The following NOCT variants were observed in gnomAD, a reference collection of about 807,000 sequenced individuals.
The protein encoded by NOCT is nocturnin, also known as CCR4 carbon catabolite repression 4-like.
Under a neutral mutation model 35.0 loss-of-function variants are expected in NOCT, and 18 were observed. The ratio of observed to expected loss-of-function variants is 0.51; its 90% CI spans 0.36 to 0.76. The LOEUF (loss-of-function observed/expected upper bound fraction) is 0.76, where lower values mean the gene tolerates loss of function less well. Ranked by LOEUF, NOCT falls within the 30% of genes least tolerant of loss-of-function variation. The pLI is 0.01. For missense variants in NOCT, 479 were observed against 541.0 expected, an observed-to-expected ratio of 0.89 and a Z score of 1.14; for synonymous variants, 235 against 226.3, an observed-to-expected ratio of 1.04 and a Z score of -0.34.
chr4:139,032,073 A>G (rs1411214837), intron 1 of NOCT, among the ~76,000 whole-genome samples: 1 of 152,192 alleles, frequency 6.6e-6, no homozygotes, highest in Admixed American at 6.5e-5. Flanking sequence ...CATACTTGCT[A>G]CTGTGTTTCA....
At chr4:139,028,166 G>A (rs1442914451) in intron 1 of NOCT, 2 of 152,218 alleles carry the variant, frequency 1.3e-5, no homozygotes, top group African/African-American at 4.8e-5. Context: ...CCCAGCTTGT[G>A]GAAATGATTT....
At chr4:139,038,518 CA>C (rs1200974712) in intron 1 of NOCT, among the ~76,000 whole-genome samples, 2 of 152,130 alleles carry the variant, frequency 1.3e-5, no homozygotes, top group African/African-American at 4.8e-5. Flanking sequence ...AAATGCATCG[CA>C]AAAACTAGAT....
intron 1 of NOCT, among the ~76,000 whole-genome samples, chr4:139,019,647 T>C (rs867462241): frequency 6.5e-4 from 99 of 152,290 alleles, no homozygotes; most frequent in African/African-American, 1.9e-3. Context: ...CCCTTGGCAA[T>C]TGGTAGTTAT....
intron 1 of NOCT, among the ~76,000 whole-genome samples, chr4:139,041,323 C>G (rs1726829475): frequency 6.6e-6 from 1 of 152,082 alleles, no homozygotes; most frequent in Non-Finnish European, 1.5e-5. Context: ...ATAAGCCTGC[C>G]AAATTTTATA....
intron 1 of NOCT, among the ~76,000 whole-genome samples, chr4:139,035,765 C>T (rs957817333): frequency 2.0e-5 from 3 of 152,194 alleles, no homozygotes; most frequent in African/African-American, 7.2e-5. Flanking sequence ...AGGCCCTACC[C>T]GATCTGCTCC....
intron 1 of NOCT, among the ~76,000 whole-genome samples, chr4:139,023,100 CAAA>C (rs536523341): frequency 2.2e-5 from 3 of 134,750 alleles, no homozygotes; most frequent in Non-Finnish European, 4.8e-5. Flanking sequence ...GACTCCATCT[CAAA>C]AAAAAAAAAG....
At chr4:139,026,043 T>C (rs941528010) in intron 1 of NOCT, among the ~76,000 whole-genome samples, 10 of 152,206 alleles carry the variant, frequency 6.6e-5, no homozygotes, top group Admixed American at 3.3e-4. Flanking sequence ...GGTTTTATGA[T>C]ATATATACAA....
Position 139,045,299 on chromosome 4 carries a change from A to G in NOCT, c.1121A>G (p.His374Arg). The G allele has an allele frequency of 1.2e-6, 2 of 1,614,104 alleles. No individual in the cohort carries two copies. Among genetic ancestry groups the G allele is most frequent in the South Asian group, 2.2e-5 (2 of 91,072 alleles). The change falls in exon 3 of 3, where the codon CAC becomes CGC. Residue 374 changes from histidine (H) to arginine (R), a missense_variant. His to Arg is a conservative substitution (Grantham distance 29). Around this residue, in one of 2 missense-constraint regions of NOCT, gnomAD observed 214 missense variants for 284.0 expected, o/e 0.75. Coordinates refer to ENST00000280614, the MANE Select transcript of NOCT (RefSeq NM_012118.4). Reference sequence around the variant, plus strand: ...ATCCGGACCTCAGGGGAGTGCAGGCACACCCTGGATTACATCTGGTATTCT... The same window carrying G: ...ATCCGGACCTCAGGGGAGTGCAGGCGCACCCTGGATTACATCTGGTATTCT... The part of the protein sequence containing the change: ...WKIRTSGECR[H>R]TLDYIWYSKH...
In NOCT at chr4:139,045,714, C is replaced by T. The variant is rs181207675; in HGVS notation, c.*240C>T. 247 of 377,342 alleles carry T rather than the reference C, an allele frequency of 6.5e-4. 1 individual carries two copies. The highest frequency in any genetic ancestry group is 4.7e-3 in the African/African-American group (225 of 48,282). The allele number at this position is 377,342 out of a possible 1,614,324, so 23.4% of individuals were successfully genotyped here. ...TGTATTTTTAGTAGAGACGGGGTTT[C>T]ACCGTGTTAGCCAGGATGGTCTCGA... On this transcript the variant is annotated 3_prime_UTR_variant, in exon 3 of 3. Coordinates refer to ENST00000280614, the MANE Select transcript of NOCT (RefSeq NM_012118.4).
At chr4:139,038,782 C>A (rs1400289328) in intron 1 of NOCT, among the ~76,000 whole-genome samples, 1 of 152,122 alleles carries the variant, frequency 6.6e-6, no homozygotes, top group East Asian at 1.9e-4. Context: ...GCCATATAGC[C>A]ATTACATATT....
intron 1 of NOCT, among the ~76,000 whole-genome samples, chr4:139,029,265 A>G (rs1267808131): frequency 6.6e-6 from 1 of 152,262 alleles, no homozygotes; most frequent in African/African-American, 2.4e-5. Context: ...TAATCCTCAC[A>G]GTAACCAAAT....
intron 1 of NOCT, among the ~76,000 whole-genome samples, chr4:139,042,313 C>T (rs1413359833): frequency 6.6e-6 from 1 of 152,078 alleles, no homozygotes. Context: ...AAGTGATCCA[C>T]CTGCCTCAGC....
At chr4:139,030,523 T>C (rs1415155603) in intron 1 of NOCT, among the ~76,000 whole-genome samples, 2 of 152,108 alleles carry the variant, frequency 1.3e-5, no homozygotes, top group East Asian at 3.9e-4. Context: ...GGTGCAAATA[T>C]CCAAGGGTAC....
At position 139,045,382 on chromosome 4, in the gene NOCT, C is replaced by T. The variant is rs749760177; in HGVS notation, c.1204C>T (p.Pro402Ser). Reference protein sequence around the residue: ...LDLLTEEQIGPNRLPSFNYPS... With the variant: ...LDLLTEEQIGSNRLPSFNYPS... ...TCTGCTCACTGAAGAACAGATTGGACCCAACAGGTTACCTTCCTTCAATTA... is the reference window on the plus strand; with the variant it reads ...TCTGCTCACTGAAGAACAGATTGGATCCAACAGGTTACCTTCCTTCAATTA... The change falls in exon 3 of 3, where the codon CCC (proline) becomes TCC (serine). Residue 402 changes from proline (P) to serine (S), a missense_variant. Coordinates refer to ENST00000280614, the MANE Select transcript of NOCT (RefSeq NM_012118.4). The T allele has an allele frequency of 6.8e-6, 11 of 1,614,000 alleles. No homozygotes were observed. The highest frequency in any genetic ancestry group is 9.3e-6 in the Non-Finnish European group (11 of 1,179,914).
intron 2 of NOCT, 78 bp from the exon 3 acceptor site, chr4:139,044,561 G>C: frequency 1.2e-6 from 1 of 857,328 alleles, no homozygotes; most frequent in Non-Finnish European, 1.9e-6. Flanking sequence ...TGAGGGTCTT[G>C]AGTGATGCCA....
chr4:139,040,651 T>C (rs1047529405), intron 1 of NOCT, among the ~76,000 whole-genome samples: 3 of 152,186 alleles, frequency 2.0e-5, no homozygotes, highest in Non-Finnish European at 4.4e-5. Flanking sequence ...TCAAAAGGAA[T>C]GTAGGGCAGT....
intron 1 of NOCT, among the ~76,000 whole-genome samples, chr4:139,031,994 T>C (rs1244665832): frequency 6.6e-6 from 1 of 152,144 alleles, no homozygotes; most frequent in Non-Finnish European, 1.5e-5. Context: ...ATTACAGGGG[T>C]GAGCTACCAC....
At chr4:139,030,912 G>T (rs1246380879) in intron 1 of NOCT, among the ~76,000 whole-genome samples, 1 of 152,172 alleles carries the variant, frequency 6.6e-6, no homozygotes, top group Non-Finnish European at 1.5e-5. Flanking sequence ...GTTTCCTCGG[G>T]CGGAGGTTGA....
intron 1 of NOCT, among the ~76,000 whole-genome samples, chr4:139,021,163 C>A (rs1726404994): frequency 6.6e-6 from 1 of 151,802 alleles, no homozygotes; most frequent in Admixed American, 6.6e-5. Flanking sequence ...AAAAAAGCAG[C>A]TTTAAAAAAT....
Sources: gnomAD v4.1 joint callset for allele counts (sites outside exome capture counted in the v4.1 genomes callset) on GRCh38, gnomAD v4.1.1 for gene constraint, gnomAD v4.1.1 regional missense constraint, MANE v1.5 for transcripts, NCBI Gene and HGNC (gene_info 2026-07-23, HGNC 2026-07-21) for gene names.